CD163: variants seen among roughly 807,000 people sequenced by gnomAD.
CD163 encodes CD163 molecule.
Under a neutral mutation model 129.2 loss-of-function variants are expected in CD163, and 64 were observed. That is an observed-to-expected ratio of 0.50 (90% CI 0.41 to 0.61). The LOEUF (loss-of-function observed/expected upper bound fraction) is 0.61. Ranked by LOEUF, CD163 falls within the 20% of genes least tolerant of loss-of-function variation. The pLI, the probability that CD163 is intolerant of heterozygous loss-of-function variation, is 0.00. For synonymous variants in CD163, 446 were observed against 478.5 expected, an observed-to-expected ratio of 0.93 and a Z score of 0.89; for missense variants, 1,061 against 1,377.9, an observed-to-expected ratio of 0.77 and a Z score of 3.64.
intron 6 of CD163, among the ~76,000 whole-genome samples, chr12:7,494,143 C>T (rs1266612081): frequency 1.3e-5 from 2 of 152,064 alleles, no homozygotes; most frequent in African/African-American, 2.4e-5. Context: ...TATAAATATT[C>T]CAACCACATA....
intron 16 of CD163, among the ~76,000 whole-genome samples, chr12:7,472,886 T>G (rs1449626361): frequency 6.6e-6 from 1 of 152,164 alleles, no homozygotes; most frequent in East Asian, 1.9e-4. Context: ...ACAAATGACC[T>G]GATGGAGCTG....
At chr12:7,499,227 C>G in intron 3 of CD163, 39 bp from the exon 4 acceptor site, 4 of 1,519,646 alleles carry the variant, frequency 2.6e-6, no homozygotes, top group Non-Finnish European at 3.5e-6. Context: ...AAGTTACATT[C>G]ATTTAGAAGT....
At chr12:7,482,828 C>T in intron 13 of CD163, 66 bp from the exon 14 acceptor site, 1 of 1,595,124 alleles carries the variant, frequency 6.3e-7, no homozygotes, top group South Asian at 1.1e-5. Flanking sequence ...TCCCTAGTTA[C>T]TGATTCTCTC....
chr12:7,479,789 C>G, intron 16 of CD163, 71 bp downstream of exon 16: 4 of 1,505,582 alleles, frequency 2.7e-6, no homozygotes, highest in Non-Finnish European at 3.6e-6. Flanking sequence ...TTTCTAATGC[C>G]AGAAGAGCTC....
chr12:7,494,564 C>A (rs1219112417), intron 6 of CD163, among the ~76,000 whole-genome samples: 1 of 152,124 alleles, frequency 6.6e-6, no homozygotes, highest in African/African-American at 2.4e-5. Flanking sequence ...AAAAGCATCA[C>A]TTTTCAACAA....
At chr12:7,493,936 G>A (rs1389355821) in intron 6 of CD163, among the ~76,000 whole-genome samples, 1 of 152,130 alleles carries the variant, frequency 6.6e-6, no homozygotes, top group East Asian at 1.9e-4. Context: ...TATAAGAAAT[G>A]TTATAGATAT....
Position 7,496,996 on chromosome 12 carries a change from G to T in CD163, c.916C>A (p.Gln306Lys). The T allele has an allele frequency of 6.2e-7, 1 of 1,613,992 alleles. No homozygotes were observed. The highest frequency in any genetic ancestry group is 1.1e-5 in the South Asian group (1 of 91,070). ...DSYDAAVACK[Q>K]LGCPTAVTAI... Reference sequence around the variant, plus strand: ...GTGACGGCAGTTGGACATCCCAGTTGCTTGCATGCCACAGCAGCATCGTAA... The same window carrying T: ...GTGACGGCAGTTGGACATCCCAGTTTCTTGCATGCCACAGCAGCATCGTAA... The change falls in exon 5 of 17, where the codon CAA becomes AAA. Residue 306 changes from glutamine to lysine, a missense_variant. Coordinates refer to ENST00000432237, the MANE Select transcript of CD163 (RefSeq NM_203416.4). This position sits in a 1 kb window ranked among gnomAD's most constrained non-coding sequence, Gnocchi z 4.8.
rs1949487456 is a variant in CD163, at chr12:7,501,396, T to G, written c.200A>C (p.Lys67Thr). 1 of 1,614,054 alleles carries G rather than the reference T, an allele frequency of 6.2e-7. No individual in the cohort carries two copies. Among genetic ancestry groups the G allele is most frequent in the Non-Finnish European group, 8.5e-7 (1 of 1,179,998 alleles). Residue 67 changes from lysine to threonine, a missense_variant, in exon 3 of 17, where the codon AAA (lysine) becomes ACA (threonine). Physicochemically the swap from Lys to Thr is moderately conservative, Grantham distance 78 (BLOSUM62 -1). Coordinates refer to ENST00000432237, the MANE Select transcript of CD163 (RefSeq NM_203416.4). ...ENKCSGRVEV[K>T]VQEEWGTVCN... ...CACCGTTCCCCACTCCTCCTGGACT[T>G]TCACTTCCACTCTCCCGCTACACTT... is the stretch of plus-strand genomic sequence containing the variant.
chr12:7,478,534 C>G (rs963861995), intron 16 of CD163, among the ~76,000 whole-genome samples: 1 of 152,126 alleles, frequency 6.6e-6, no homozygotes, highest in African/African-American at 2.4e-5. Flanking sequence ...AGATGTTACA[C>G]ATACACATAC....
intron 14 of CD163, among the ~76,000 whole-genome samples, chr12:7,481,786 C>T (rs1949165660): frequency 6.6e-6 from 1 of 152,152 alleles, no homozygotes; most frequent in Non-Finnish European, 1.5e-5. Context: ...TGCCTTTTCT[C>T]TTCTTCAGAC....
intron 13 of CD163, 91 bp downstream of exon 13, chr12:7,482,875 A>G: frequency 1.3e-6 from 2 of 1,578,812 alleles, no homozygotes; most frequent in Non-Finnish European, 1.7e-6. Context: ...TAAATATCAA[A>G]TCCTCAGAAC....
intron 14 of CD163, among the ~76,000 whole-genome samples, chr12:7,482,017 G>C (rs1949169204): frequency 6.6e-6 from 1 of 151,896 alleles, no homozygotes; most frequent in Non-Finnish European, 1.5e-5. Flanking sequence ...CCTTCTCTGT[G>C]CCACTTTTGT....
rs747444470 is a variant in CD163, at chr12:7,477,487, C to A, written c.*31+2373G>T. 2.0e-5 allele frequency among the ~76,000 whole-genome samples: 3 copies of A among 152,126 alleles called. No homozygotes were observed. The South Asian group carries it at 6.2e-4, about 32-fold the overall frequency. ...CATTCTCAGCAAACTAACACAGGAACGGAAAACCAAACACCGCATGTTCTC... is the reference window on the plus strand; with the variant it reads ...CATTCTCAGCAAACTAACACAGGAAAGGAAAACCAAACACCGCATGTTCTC... On this transcript the variant is annotated intron_variant, in intron 16 of 16. Transcript: ENST00000432237.
At chr12:7,483,838 TA>T (rs1450012858) in intron 11 of CD163, 163 bp from the exon 12 acceptor site, 6 of 46,952 alleles carry the variant, frequency 1.3e-4, no homozygotes, top group African/African-American at 2.6e-4. Context: ...TATATATATA[TA>T]TATTTTTTTT....
Position 7,482,974 on chromosome 12 carries a change from G to T in CD163, c.3119C>A (p.Ala1040Asp). 6.2e-7 allele frequency: 1 copy of T among 1,613,692 alleles called. No homozygotes were observed. Among genetic ancestry groups the T allele is most frequent in the Non-Finnish European group, 8.5e-7 (1 of 1,179,818 alleles). Reference sequence around the variant, plus strand: ...TAAACTCCATGATATACCTGTTGTGGCTTTTTGTGGGGTTTTCTGCACTGA... The same window carrying T: ...TAAACTCCATGATATACCTGTTGTGTCTTTTTGTGGGGTTTTCTGCACTGA... Reference protein sequence around the residue: ...DISVQKTPQKATTGRSSRQSS... With the variant: ...DISVQKTPQKDTTGRSSRQSS... The change falls in exon 13 of 17, where the codon GCC becomes GAC. Residue 1040 changes from alanine to aspartate, a missense_variant. Physicochemically the swap from Ala to Asp is moderately radical, Grantham distance 126 (BLOSUM62 -2). Coordinates refer to ENST00000432237, the MANE Select transcript of CD163 (RefSeq NM_203416.4).
At chr12:7,492,938 A>G (rs1012153393) in intron 6 of CD163, among the ~76,000 whole-genome samples, 2 of 152,182 alleles carry the variant, frequency 1.3e-5, no homozygotes, top group African/African-American at 4.8e-5. Context: ...CCAAACCCAC[A>G]GTTTCAAACG....
At chr12:7,480,709 G>A in intron 15 of CD163, 1 of 238,700 alleles carries the variant, frequency 4.2e-6, no homozygotes, top group Non-Finnish European at 6.8e-6. Flanking sequence ...ACACAAAAAA[G>A]GGTAACTATG....
chr12:7,473,033 T>C (rs1361493975), intron 16 of CD163: 1 of 151,944 alleles, frequency 6.6e-6, no homozygotes, highest in African/African-American at 2.4e-5. Context: ...GAAAAAAGAA[T>C]GAAAAGGAAC....
chr12:7,477,206 A>G (rs1200627751), intron 16 of CD163, among the ~76,000 whole-genome samples: 1 of 151,774 alleles, frequency 6.6e-6, no homozygotes, highest in Non-Finnish European at 1.5e-5. Context: ...TAGAACCAGA[A>G]ATACCATTTG....
Sources: gnomAD v4.1 joint callset for allele counts (sites outside exome capture counted in the v4.1 genomes callset) on GRCh38, gnomAD v4.1.1 for gene constraint, Gnocchi (gnomAD v3.1) non-coding constraint, MANE v1.5 for transcripts, NCBI Gene and HGNC (gene_info 2026-07-23, HGNC 2026-07-21) for gene names.